DEPTOR: variants seen among roughly 807,000 people sequenced by gnomAD.
The protein encoded by DEPTOR is DEP domain-containing mTOR-interacting protein.
In DEPTOR, 41 loss-of-function variants were observed where a neutral mutation model predicts 41.6. That is an observed-to-expected ratio of 0.98 (90% CI 0.77 to 1.28). The LOEUF (loss-of-function observed/expected upper bound fraction) is 1.28. DEPTOR is among the 50% of genes most tolerant of loss of function. The pLI, the probability that DEPTOR is intolerant of heterozygous loss-of-function variation, is 0.00. For missense variants in DEPTOR, 514 were observed against 527.9 expected (o/e 0.97, Z 0.26); for synonymous variants, 195 against 192.3 (o/e 1.01, Z -0.12).
At chr8:119,975,180 C>T (rs1268454007) in intron 4 of DEPTOR, among the ~76,000 whole-genome samples, 1 of 151,828 alleles carries the variant, frequency 6.6e-6, no homozygotes, top group African/African-American at 2.4e-5. Flanking sequence ...AGGACATTTC[C>T]TTTACAGATG....
At chr8:119,925,549 G>T (rs899720368) in intron 1 of DEPTOR, among the ~76,000 whole-genome samples, 4 of 152,148 alleles carry the variant, frequency 2.6e-5, no homozygotes, top group Non-Finnish European at 5.9e-5. Context: ...GACACATGGG[G>T]ATTATTACAA....
intron 1 of DEPTOR, among the ~76,000 whole-genome samples, chr8:119,903,152 G>A (rs545878946): frequency 6.0e-4 from 91 of 152,314 alleles, no homozygotes; most frequent in Non-Finnish European, 1.0e-3. Flanking sequence ...AGGCTGGAGT[G>A]CAATGGTGCG....
At position 119,890,085 on chromosome 8, in the gene DEPTOR, C is replaced by T. The variant is rs529328870; in HGVS notation, c.122+16117C>T. On this transcript the variant is annotated intron_variant, in intron 1 of 8. Coordinates refer to ENST00000286234, the MANE Select transcript of DEPTOR (RefSeq NM_022783.4). ...GTTCAAGTGATTCTCGTGCCTCAGCCTCCTGAGAAGCTGGGATTACGGGCA... is the reference window on the plus strand; with the variant it reads ...GTTCAAGTGATTCTCGTGCCTCAGCTTCCTGAGAAGCTGGGATTACGGGCA... Among the ~76,000 whole-genome samples, 6 of 152,078 alleles carry T rather than the reference C, an allele frequency of 3.9e-5. No individual in the cohort carries two copies. The South Asian group carries it at 1.0e-3, about 26-fold the overall frequency.
chr8:119,899,681 G>A (rs1221917001), intron 1 of DEPTOR, among the ~76,000 whole-genome samples: 1 of 152,150 alleles, frequency 6.6e-6, no homozygotes, highest in Non-Finnish European at 1.5e-5. Context: ...TCACTACATA[G>A]CTCAGAGAAA....
At chr8:119,885,390 A>G (rs900147574) in intron 1 of DEPTOR, among the ~76,000 whole-genome samples, 4 of 152,232 alleles carry the variant, frequency 2.6e-5, no homozygotes, top group Admixed American at 6.5e-5. Context: ...ACTGACAATA[A>G]TAAAACTGTT....
rs548200635 is a variant in DEPTOR at position 119,901,346 on chromosome 8, T to G, written c.123-27054T>G. On this transcript the variant is annotated intron_variant, in intron 1 of 8. Coordinates refer to ENST00000286234, the MANE Select transcript of DEPTOR (RefSeq NM_022783.4). ...GCAGGTGAGAAGATGCACAAACATA[T>G]TAATATTTTTAGCTCTCCCTGATGC... is the stretch of plus-strand genomic sequence containing the variant. 1.4e-4 allele frequency among the ~76,000 whole-genome samples: 21 copies of G among 152,228 alleles called. No homozygotes were observed. In the South Asian group the frequency reaches 4.1e-3, roughly 30 times the overall value.
At chr8:120,032,925 T>C (rs1433152740) in intron 8 of DEPTOR, among the ~76,000 whole-genome samples, 1 of 152,098 alleles carries the variant, frequency 6.6e-6, no homozygotes, top group Non-Finnish European at 1.5e-5. Context: ...TCCTCATAAC[T>C]GGTCCAGAAA....
intron 4 of DEPTOR, among the ~76,000 whole-genome samples, chr8:119,977,250 G>T (rs1828708454): frequency 6.6e-6 from 1 of 152,020 alleles, no homozygotes; most frequent in African/African-American, 2.4e-5. Flanking sequence ...TGATCCGCCC[G>T]CCCTAGCCTC....
intron 8 of DEPTOR, among the ~76,000 whole-genome samples, chr8:120,044,255 A>G (rs559775378): frequency 2.6e-5 from 4 of 151,832 alleles, no homozygotes; most frequent in African/African-American, 9.7e-5. Context: ...CCTCGCAAGT[A>G]TCTGGAATTA....
intron 6 of DEPTOR, among the ~76,000 whole-genome samples, chr8:120,004,524 A>T (rs777190803): frequency 3.3e-5 from 5 of 152,238 alleles, no homozygotes; most frequent in Non-Finnish European, 5.9e-5. Context: ...GTGGTGCCAT[A>T]ACCATTTTAC....
At chr8:120,001,141 A>G (rs1243655774) in intron 4 of DEPTOR, among the ~76,000 whole-genome samples, 3 of 152,128 alleles carry the variant, frequency 2.0e-5, no homozygotes, top group Admixed American at 1.3e-4. Context: ...ATGGGGACAC[A>G]TGAGTAAGTG....
At chr8:119,993,057 C>T (rs949615700) in intron 4 of DEPTOR, among the ~76,000 whole-genome samples, 1 of 152,118 alleles carries the variant, frequency 6.6e-6, no homozygotes, top group African/African-American at 2.4e-5. Flanking sequence ...GCCAATTTCC[C>T]CCCTTTTAAG....
intron 1 of DEPTOR, among the ~76,000 whole-genome samples, chr8:119,914,835 C>A (rs6983678): frequency 0.22 from 33,385 of 152,170 alleles, 4,227 homozygotes; most frequent in African/African-American, 0.34. Context: ...TTTTACAAGC[C>A]CTTCAGGTGA....
chr8:119,895,401 A>G (rs1586603100), intron 1 of DEPTOR, among the ~76,000 whole-genome samples: 1 of 152,330 alleles, frequency 6.6e-6, no homozygotes, highest in African/African-American at 2.4e-5. Context: ...GCATAAATCC[A>G]AAGGATCAGC....
At chr8:120,012,261 G>A (rs1369314457) in intron 8 of DEPTOR, among the ~76,000 whole-genome samples, 2 of 152,060 alleles carry the variant, frequency 1.3e-5, no homozygotes, top group Non-Finnish European at 2.9e-5. Flanking sequence ...CTGTGAAATG[G>A]GTTTTAAGGC....
At chr8:119,935,999 G>GTTTTTTTTTTTTTTTTTTTTTTTTT (rs67211224) in intron 3 of DEPTOR, among the ~76,000 whole-genome samples, 1 of 123,876 alleles carries the variant, frequency 8.1e-6, no homozygotes. Flanking sequence ...TAGTCTAGTT[G>GTTTTTTTTTTTTTTTTTTTTTTTTT]TTTTTTTTTT....
chr8:119,988,966 T>TC lies in DEPTOR; in HGVS notation c.605-12559_605-12558insC, dbSNP rs1828865314. ...CATATCCTTTTTTTTTTCTTTTTTT[T>TC]TTTTTTTTTTTTTTAATAGAGATGG... On this transcript the variant is annotated intron_variant, in intron 4 of 8. Transcript: ENST00000286234. 8.4e-5 allele frequency among the ~76,000 whole-genome samples: 12 copies of TC among 142,956 alleles called. No individual in the cohort carries two copies. The South Asian group carries it at 2.8e-3, about 33-fold the overall frequency. 93.8% of individuals were successfully genotyped at this position (142,956 alleles called of 152,430 possible).
intron 1 of DEPTOR, among the ~76,000 whole-genome samples, chr8:119,897,250 C>G (rs1437869986): frequency 6.6e-6 from 1 of 152,056 alleles, no homozygotes; most frequent in Non-Finnish European, 1.5e-5. Context: ...AAAACATATT[C>G]CAGGTCGGGA....
At chr8:119,913,056 G>A (rs1827765181) in intron 1 of DEPTOR, among the ~76,000 whole-genome samples, 1 of 152,130 alleles carries the variant, frequency 6.6e-6, no homozygotes, top group African/African-American at 2.4e-5. Context: ...GAGTAGCTGG[G>A]ATTACAGGCA....
Sources: gnomAD v4.1 joint callset for allele counts (sites outside exome capture counted in the v4.1 genomes callset) on GRCh38, gnomAD v4.1.1 for gene constraint, MANE v1.5 for transcripts, NCBI Gene and HGNC (gene_info 2026-07-23, HGNC 2026-07-21) for gene names.